Variants in ARL8B observed in about 807,000 individuals in gnomAD.
ARL8B encodes the protein ARF like GTPase 8B.
A neutral mutation model predicts 30.6 loss-of-function variants in ARL8B; 9 were observed. The observed-to-expected ratio is 0.29, with a 90% CI of 0.18 to 0.51. The LOEUF (loss-of-function observed/expected upper bound fraction) is 0.51, where lower values mean the gene tolerates loss of function less well. ARL8B is among the 20% of genes least tolerant of loss of function. ARL8B has a pLI of 0.97. For synonymous variants in ARL8B, 74 were observed against 76.0 expected (o/e 0.97, Z 0.14); for missense variants, 130 against 227.2 (o/e 0.57, Z 2.75).
In ARL8B at chr3:5,178,878, C is replaced by T. The variant is rs1394482568; in HGVS notation, c.*165C>T. On this transcript the variant is annotated 3_prime_UTR_variant, in exon 7 of 7. Transcript: ENST00000256496. ...CTGAAGATGAATATCCCTAATCCTTCATAAAGAATCAGCTAGAGTTGTCAT... is the reference window on the plus strand; with the variant it reads ...CTGAAGATGAATATCCCTAATCCTTTATAAAGAATCAGCTAGAGTTGTCAT... The T allele has an allele frequency of 8.1e-7, 1 of 1,230,202 alleles. No homozygotes were observed. Among genetic ancestry groups the T allele is most frequent in the East Asian group, 2.7e-5 (1 of 36,982 alleles). The allele number at this position is 1,230,202 out of a possible 1,614,324, so 76.2% of individuals were successfully genotyped here.
chr3:5,153,329 A>T (rs1461048532), intron 1 of ARL8B, among the ~76,000 whole-genome samples: 1 of 152,080 alleles, frequency 6.6e-6, no homozygotes, highest in Non-Finnish European at 1.5e-5. Flanking sequence ...GATCTTTCCC[A>T]CGCTGTTTTC....
chr3:5,148,315 T>A (rs57213835), intron 1 of ARL8B, among the ~76,000 whole-genome samples: 2,868 of 152,084 alleles, frequency 0.019, 87 homozygotes, highest in African/African-American at 0.066. Context: ...GGAGCTTCCC[T>A]AAGAGGGAAC....
At chr3:5,141,290 C>T (rs1192985919) in intron 1 of ARL8B, among the ~76,000 whole-genome samples, 2 of 152,128 alleles carry the variant, frequency 1.3e-5, no homozygotes, top group East Asian at 1.9e-4. Flanking sequence ...CACAAATTTC[C>T]TTCCTTTTCT....
In ARL8B at chr3:5,122,487, C is replaced by G. The variant is rs1333280898; in HGVS notation, c.22C>G (p.Leu8Val). MLALISR[L>V]LDWFRSLFWK... ...CATCATGCTGGCGCTCATCTCCCGCCTGCTGGACTGGTTCCGTTCGCTCTT... is the reference window on the plus strand; with the variant it reads ...CATCATGCTGGCGCTCATCTCCCGCGTGCTGGACTGGTTCCGTTCGCTCTT... The change falls in exon 1 of 7, where the codon CTG becomes GTG. Residue 8 changes from leucine to valine, a missense_variant. Physicochemically the swap from Leu to Val is conservative, Grantham distance 32. Transcript: ENST00000256496. The G allele has an allele frequency of 1.2e-6, 2 of 1,613,586 alleles. No homozygotes were observed. Among genetic ancestry groups the G allele is most frequent in the African/African-American group, 2.7e-5 (2 of 74,936 alleles).
chr3:5,130,603 G>A (rs992468414), intron 1 of ARL8B, among the ~76,000 whole-genome samples: 1 of 151,516 alleles, frequency 6.6e-6, no homozygotes. Context: ...GCATGATCTC[G>A]GTTGACTGTA....
In ARL8B at chr3:5,166,350, T is replaced by C. The variant is rs1313599279; in HGVS notation, c.124-4153T>C. On this transcript the variant is annotated intron_variant, in intron 1 of 6. Transcript: ENST00000256496. ...GCTGCGCCTGGCTGGTATCTTTCGT[T>C]TTTTTTTTTTTTTTTTTGGTAATGC... Among the ~76,000 whole-genome samples the C allele has an allele frequency of 1.5e-4, 9 of 58,122 alleles. No homozygotes were observed. In the East Asian group the frequency reaches 3.7e-3, roughly 24 times the overall value. The allele number at this position is 58,122 out of a possible 152,430, so 38.1% of individuals were successfully genotyped here. A position where few individuals can be genotyped will look rare whatever the true frequency, so the allele number is the denominator to read the frequency against.
chr3:5,164,510 G>T (rs972259344), intron 1 of ARL8B, among the ~76,000 whole-genome samples: 5 of 152,152 alleles, frequency 3.3e-5, no homozygotes, highest in African/African-American at 9.7e-5. Flanking sequence ...TCAAACTGTG[G>T]TTAACATTTT....
At chr3:5,150,819 T>A (rs943525414) in intron 1 of ARL8B, among the ~76,000 whole-genome samples, 1 of 152,162 alleles carries the variant, frequency 6.6e-6, no homozygotes, top group African/African-American at 2.4e-5. Context: ...GTTGGTAGAA[T>A]TCAGCAGGAA....
intron 6 of ARL8B, among the ~76,000 whole-genome samples, chr3:5,176,429 T>A (rs566241944): frequency 3.3e-5 from 5 of 152,176 alleles, no homozygotes; most frequent in African/African-American, 1.2e-4. Context: ...CAGGGTTTCA[T>A]CATGTTGGCC....
intron 1 of ARL8B, among the ~76,000 whole-genome samples, chr3:5,142,079 C>G (rs2054379370): frequency 6.6e-6 from 1 of 152,088 alleles, no homozygotes; most frequent in Admixed American, 6.6e-5. Context: ...TTTCAGGTAT[C>G]TTATGGAATG....
chr3:5,176,075 A>G (rs2054727471), intron 6 of ARL8B, among the ~76,000 whole-genome samples: 1 of 152,184 alleles, frequency 6.6e-6, no homozygotes, highest in South Asian at 2.1e-4. Flanking sequence ...ATTTGGTTTG[A>G]GATGATTTGA....
At chr3:5,178,486 C>G (rs1343699189) in intron 6 of ARL8B, among the ~76,000 whole-genome samples, 178 bp from the exon 7 acceptor site, 1 of 151,820 alleles carries the variant, frequency 6.6e-6, no homozygotes, top group African/African-American at 2.4e-5. Flanking sequence ...GCTTCAGTCT[C>G]TGATAATTCC....
chr3:5,157,614 T>C (rs1448577386), intron 1 of ARL8B: 2 of 152,264 alleles, frequency 1.3e-5, no homozygotes, highest in African/African-American at 2.4e-5. Context: ...TAAGTACAGC[T>C]GGTCCATAGC....
At chr3:5,144,973 C>T (rs1339940481) in intron 1 of ARL8B, among the ~76,000 whole-genome samples, 2 of 152,182 alleles carry the variant, frequency 1.3e-5, no homozygotes, top group Non-Finnish European at 1.5e-5. Flanking sequence ...GGAGCTTTAG[C>T]GCCTGGTTAA....
chr3:5,172,741 G>GT lies in ARL8B; in HGVS notation c.372+2dup, dbSNP rs748535792. 1.9e-6 allele frequency: 3 copies of GT among 1,551,942 alleles called. No individual in the cohort carries two copies. Among genetic ancestry groups the GT allele is most frequent in the Non-Finnish European group, 2.7e-6 (3 of 1,125,588 alleles). The stretch of plus-strand genomic sequence containing the variant: ...TAAACCACAGTTACAAGGAATTCCA[G>GT]TAAGTATGGAATACTTGTTATTTTA... On this transcript the variant is annotated splice_donor_variant, in intron 4 of 6. Transcript: ENST00000256496. LOFTEE classifies it high-confidence loss of function.
intron 5 of ARL8B, 65 bp from the exon 6 acceptor site, chr3:5,174,279 T>C: frequency 8.2e-7 from 1 of 1,225,716 alleles, no homozygotes. Flanking sequence ...TGAGTAAAAT[T>C]GAACAAAGTG....
chr3:5,166,915 C>T (rs944075491), intron 1 of ARL8B, among the ~76,000 whole-genome samples: 12 of 152,160 alleles, frequency 7.9e-5, no homozygotes, highest in African/African-American at 2.9e-4. Flanking sequence ...CATTCATCTC[C>T]TTGCTTACCT....
chr3:5,180,868 G>A lies in ARL8B; in HGVS notation c.*2155G>A, dbSNP rs2054772471. On this transcript the variant is annotated 3_prime_UTR_variant, in exon 7 of 7. Coordinates refer to ENST00000256496, the MANE Select transcript of ARL8B (RefSeq NM_018184.3). The stretch of plus-strand genomic sequence containing the variant: ...ATCAGATCAGCCCTCAAAGAATGGG[G>A]TCTGTGGGCTAGTTAAAATAGAAAT... 1 of 152,594 alleles carries A rather than the reference G, an allele frequency of 6.6e-6. No homozygotes were observed. The highest frequency in any genetic ancestry group is 2.4e-5 in the African/African-American group (1 of 41,424). The allele number at this position is 152,594 out of a possible 1,614,324, so 9.5% of individuals were successfully genotyped here.
chr3:5,174,748 TAATA>T (rs2054712986), intron 6 of ARL8B, among the ~76,000 whole-genome samples: 1 of 141,972 alleles, frequency 7.0e-6, no homozygotes, highest in Non-Finnish European at 1.5e-5. Context: ...ATGTAATATA[TAATA>T]TATATAAATA....
Sources: allele counts gnomAD v4.1 joint callset (sites outside exome capture counted in the v4.1 genomes callset), GRCh38; gene constraint gnomAD v4.1.1; transcripts MANE v1.5; gene names NCBI Gene and HGNC (gene_info 2026-07-23, HGNC 2026-07-21).